CLSTN2: variants seen among roughly 807,000 people sequenced by gnomAD.
CLSTN2 encodes calsyntenin 2.
In CLSTN2, 48 loss-of-function variants were observed where a neutral mutation model predicts 101.2. That is an observed-to-expected ratio of 0.47 (90% confidence interval 0.38 to 0.60). CLSTN2 has a LOEUF of 0.60. CLSTN2 is among the 20% of genes least tolerant of loss of function. The pLI is 0.00. For missense variants in CLSTN2, 1,160 were observed against 1,238.2 expected (o/e 0.94, Z 0.95); for synonymous variants, 481 against 463.6 (o/e 1.04, Z -0.48).
At chr3:140,184,217 C>T (rs2010452421) in intron 2 of CLSTN2, among the ~76,000 whole-genome samples, 1 of 152,196 alleles carries the variant, frequency 6.6e-6, no homozygotes. Context: ...AGCACATTGG[C>T]AAGCAGCTAC....
intron 10 of CLSTN2, among the ~76,000 whole-genome samples, chr3:140,550,203 G>A (rs1396841952): frequency 4.6e-5 from 7 of 151,594 alleles, no homozygotes; most frequent in African/African-American, 1.7e-4. Flanking sequence ...AGGTGTTTAC[G>A]TTTTTTTCTG....
intron 8 of CLSTN2, among the ~76,000 whole-genome samples, chr3:140,499,398 C>T (rs905728845): frequency 1.3e-5 from 2 of 152,164 alleles, no homozygotes; most frequent in African/African-American, 4.8e-5. Context: ...CTTCAAGGAC[C>T]CCAATGTGTA....
At chr3:139,981,433 C>T (rs1935920364) in intron 1 of CLSTN2, among the ~76,000 whole-genome samples, 1 of 152,174 alleles carries the variant, frequency 6.6e-6, no homozygotes, top group Admixed American at 6.5e-5. Flanking sequence ...AAAGCACAGA[C>T]CTCATGTAAT....
chr3:140,464,402 A>T (rs999653954), intron 7 of CLSTN2, among the ~76,000 whole-genome samples: 2 of 152,232 alleles, frequency 1.3e-5, no homozygotes, highest in East Asian at 3.8e-4. Context: ...AGGCTTTAGG[A>T]TCTACCTGAG....
rs2007688000 is a variant in CLSTN2, at chr3:140,037,935, C to G, written c.109+102452C>G. ...TGTATATGAACCACATTTTATTTAT[C>G]CAGTCTATCATTGATGGGCATTTGG... On this transcript the variant is annotated intron_variant, in intron 1 of 16. Transcript: ENST00000458420. Among the ~76,000 whole-genome samples the G allele has an allele frequency of 2.0e-5, 3 of 152,280 alleles. No homozygotes were observed. In the South Asian group the frequency reaches 6.2e-4, roughly 32 times the overall value.
intron 2 of CLSTN2, among the ~76,000 whole-genome samples, chr3:140,269,367 C>T (rs957827695): frequency 6.6e-5 from 10 of 152,302 alleles, no homozygotes; most frequent in African/African-American, 2.4e-4. Context: ...TGACCATAAA[C>T]CCAGCTTAAT....
intron 2 of CLSTN2, among the ~76,000 whole-genome samples, chr3:140,217,275 G>C (rs2010933187): frequency 6.6e-6 from 1 of 151,976 alleles, no homozygotes; most frequent in Admixed American, 6.6e-5. Context: ...CACTCTTCTA[G>C]AAGCAATTTT....
At chr3:140,038,755 T>G (rs568985057) in intron 1 of CLSTN2, among the ~76,000 whole-genome samples, 1 of 152,302 alleles carries the variant, frequency 6.6e-6, no homozygotes, top group South Asian at 2.1e-4. Context: ...TTAGAAAATG[T>G]TTTCTAGATA....
At chr3:140,040,140 C>T (rs2007731976) in intron 1 of CLSTN2, among the ~76,000 whole-genome samples, 1 of 152,134 alleles carries the variant, frequency 6.6e-6, no homozygotes, top group Non-Finnish European at 1.5e-5. Context: ...CTGATTCTCC[C>T]ATGTTTTACA....
intron 9 of CLSTN2, among the ~76,000 whole-genome samples, chr3:140,533,835 A>T (rs1486203564): frequency 6.6e-6 from 1 of 152,186 alleles, no homozygotes; most frequent in Non-Finnish European, 1.5e-5. Context: ...ATGTAAAAGA[A>T]GATGAAAAGG....
intron 1 of CLSTN2, among the ~76,000 whole-genome samples, chr3:140,095,458 A>G (rs2008854160): frequency 1.3e-5 from 2 of 152,220 alleles, no homozygotes; most frequent in Admixed American, 1.3e-4. Context: ...TAACAGGGAC[A>G]TTGTATATGA....
At chr3:140,321,231 G>T (rs1357231337) in intron 2 of CLSTN2, among the ~76,000 whole-genome samples, 2 of 152,052 alleles carry the variant, frequency 1.3e-5, no homozygotes, top group Non-Finnish European at 2.9e-5. Context: ...AGTTAGAAAG[G>T]GTCTAGCCCT....
At chr3:140,293,425 C>T (rs1487288426) in intron 2 of CLSTN2, among the ~76,000 whole-genome samples, 1 of 152,136 alleles carries the variant, frequency 6.6e-6, no homozygotes, top group African/African-American at 2.4e-5. Context: ...AGGCCATGGA[C>T]AAGCCAGTCA....
intron 1 of CLSTN2, among the ~76,000 whole-genome samples, chr3:140,041,145 G>A (rs56981692): frequency 0.22 from 33,927 of 152,008 alleles, 3,925 homozygotes; most frequent in Middle Eastern, 0.3. Context: ...ACACATAACT[G>A]TTCATTTTTA....
intron 2 of CLSTN2, among the ~76,000 whole-genome samples, chr3:140,255,261 A>T (rs2086595548): frequency 6.6e-6 from 1 of 152,178 alleles, no homozygotes; most frequent in Admixed American, 6.5e-5. Flanking sequence ...AATGAACTTA[A>T]AAGAGAACTA....
chr3:140,525,455 A>G (rs1253501044), intron 8 of CLSTN2, among the ~76,000 whole-genome samples: 1 of 152,154 alleles, frequency 6.6e-6, no homozygotes, highest in South Asian at 2.1e-4. Context: ...CCTACTAACC[A>G]AAAAGAGCCC....
intron 8 of CLSTN2, among the ~76,000 whole-genome samples, chr3:140,482,639 A>G (rs1934145478): frequency 6.6e-6 from 1 of 152,204 alleles, no homozygotes; most frequent in Non-Finnish European, 1.5e-5. Context: ...TGGTCTATTC[A>G]GAGATTCAAA....
chr3:140,383,976 G>A (rs1413113642), intron 2 of CLSTN2, among the ~76,000 whole-genome samples: 1 of 152,200 alleles, frequency 6.6e-6, no homozygotes, highest in East Asian at 1.9e-4. Flanking sequence ...GGCTCTGCTG[G>A]AAACGGGTTA....
rs568869973 is a variant in CLSTN2, at chr3:140,406,996, G to T, written c.637+2230G>T. Among the ~76,000 whole-genome samples the T allele has an allele frequency of 7.9e-4, 121 of 152,310 alleles. 2 individuals are homozygous for T. In the South Asian group the frequency reaches 0.025, roughly 31 times the overall value. On this transcript the variant is annotated intron_variant, in intron 4 of 16. Transcript: ENST00000458420. ...CATTAAAAGTGAGTAATGGGCCTTT[G>T]CCAGGCCTCTGCCTCTAATGCTGGT...
Sources: gnomAD v4.1 joint callset for allele counts (sites outside exome capture counted in the v4.1 genomes callset) on GRCh38, gnomAD v4.1.1 for gene constraint, MANE v1.5 for transcripts, NCBI Gene and HGNC (gene_info 2026-07-23, HGNC 2026-07-21) for gene names.